DNAH5: variants seen among roughly 807,000 people sequenced by gnomAD.
The protein encoded by DNAH5 is dynein axonemal heavy chain 5, also known as axonemal beta dynein heavy chain 5.
In DNAH5, 372 loss-of-function variants were observed where a neutral mutation model predicts 518.2. The observed-to-expected ratio is 0.72, with a 90% CI of 0.66 to 0.78. The LOEUF is 0.78. Ranked by LOEUF, DNAH5 falls within the 30% of genes least tolerant of loss-of-function variation. The pLI, the probability that DNAH5 is intolerant of heterozygous loss-of-function variation, is 0.00. For synonymous variants in DNAH5, 2,039 were observed against 2,025.9 expected (o/e 1.01, Z -0.17); for missense variants, 5,523 against 5,687.0 (o/e 0.97, Z 0.93).
At position 13,758,926 on chromosome 5, in the gene DNAH5, C is replaced by T; in HGVS notation, c.10339G>A (p.Ala3447Thr). ...HLLAMQDLQKAQAELDDKQAE... is the reference protein window; with the variant it reads ...HLLAMQDLQKTQAELDDKQAE... ...TGCTTGTCATCCAACTCGGCCTGGG[C>T]TTTCTGCAGATCCTGCATGGCCAGG... The change falls in exon 61 of 79, where the codon GCC (alanine) becomes ACC (threonine). Residue 3447 changes from alanine (A) to threonine (T), a missense_variant. By Grantham distance (58) the Ala-to-Thr change is moderately conservative. Transcript: ENST00000265104. 2 of 1,614,186 alleles carry T rather than the reference C, an allele frequency of 1.2e-6. No individual in the cohort carries two copies. The highest frequency in any genetic ancestry group is 1.7e-6 in the Non-Finnish European group (2 of 1,180,020).
chr5:13,769,189 C>T (rs1440106750), intron 57 of DNAH5, 53 bp from the exon 58 acceptor site: 2 of 1,580,738 alleles, frequency 1.3e-6, no homozygotes, highest in African/African-American at 2.7e-5. Flanking sequence ...AAACATCCAG[C>T]TGAAAATGCA....
intron 1 of DNAH5, among the ~76,000 whole-genome samples, chr5:14,006,832 C>T (rs541608340): frequency 3.3e-5 from 5 of 152,288 alleles, no homozygotes; most frequent in Admixed American, 3.3e-4. Context: ...TTTATTCTTT[C>T]TTATTGATGA....
At chr5:13,700,429 C>A (rs1464945665) in intron 78 of DNAH5, among the ~76,000 whole-genome samples, 1 of 152,172 alleles carries the variant, frequency 6.6e-6, no homozygotes, top group African/African-American at 2.4e-5. Flanking sequence ...ATTAGATAAG[C>A]AAGTACTATC....
At chr5:13,949,048 T>C (rs1345043552), upstream of DNAH5, among the ~76,000 whole-genome samples, 1 of 151,912 alleles carries the variant, frequency 6.6e-6, no homozygotes, top group Non-Finnish European at 1.5e-5. Context: ...CAAATAACAA[T>C]GGAACTTGAC....
chr5:13,901,024 T>C (rs1476623049), intron 14 of DNAH5, among the ~76,000 whole-genome samples: 1 of 152,226 alleles, frequency 6.6e-6, no homozygotes, highest in Non-Finnish European at 1.5e-5. Context: ...ACTTTGGAGT[T>C]CGTAAATTAA....
At chr5:13,967,092 C>T (rs1781577131) in intron 1 of DNAH5, among the ~76,000 whole-genome samples, 1 of 152,136 alleles carries the variant, frequency 6.6e-6, no homozygotes, top group Non-Finnish European at 1.5e-5. Context: ...AAACTCCTCA[C>T]CTCAAGTGAT....
chr5:13,830,818 TG>T (rs776260697), intron 35 of DNAH5, 43 bp from the exon 36 acceptor site: 21 of 1,598,002 alleles, frequency 1.3e-5, no homozygotes, highest in Non-Finnish European at 1.5e-5. Context: ...CTCAGTCACC[TG>T]GAAATACTTC....
chr5:13,791,555 C>A (rs758025940), intron 50 of DNAH5, among the ~76,000 whole-genome samples: 3 of 152,080 alleles, frequency 2.0e-5, no homozygotes, highest in African/African-American at 4.8e-5. Flanking sequence ...TGATTATCAA[C>A]AAAATGGGTT....
chr5:13,892,185 A>G (rs1259045913), intron 16 of DNAH5, among the ~76,000 whole-genome samples: 1 of 152,224 alleles, frequency 6.6e-6, no homozygotes, highest in Non-Finnish European at 1.5e-5. Flanking sequence ...TTGAATACTA[A>G]AAGAGAGCCA....
chr5:13,829,190 A>G (rs1238593389), intron 38 of DNAH5, among the ~76,000 whole-genome samples: 1 of 152,216 alleles, frequency 6.6e-6, no homozygotes, highest in Non-Finnish European at 1.5e-5. Flanking sequence ...GTTCCTACAA[A>G]TCATGAAAAT....
intron 72 of DNAH5, among the ~76,000 whole-genome samples, 196 bp from the exon 73 acceptor site, chr5:13,717,716 A>G (rs1744497213): frequency 1.3e-5 from 2 of 152,160 alleles, no homozygotes; most frequent in South Asian, 4.1e-4. Context: ...AAATCTTCAA[A>G]GAGACTTTGG....
At chr5:13,978,411 A>G (rs901543117) in intron 1 of DNAH5, among the ~76,000 whole-genome samples, 1 of 152,236 alleles carries the variant, frequency 6.6e-6, no homozygotes, top group African/African-American at 2.4e-5. Flanking sequence ...AGAGGACTCC[A>G]TGGAAGAGAG....
chr5:13,864,457 T>G lies in DNAH5; in HGVS notation c.4536A>C (p.Glu1512Asp), dbSNP rs749933897. 2 of 1,614,058 alleles carry G rather than the reference T, an allele frequency of 1.2e-6. No homozygotes were observed. Among genetic ancestry groups the G allele is most frequent in the African/African-American group, 1.3e-5 (1 of 74,926 alleles). ...LTGHSLDVGN[E>D]SFKLRNIMEA... is the part of the protein sequence containing the mutation. ...CCATGATATTTCTTAACTTAAAGCT[T>G]TCATTCCCCACATCCAGACTGTGCC... Residue 1512 changes from glutamate (E) to aspartate (D), a missense_variant, in exon 28 of 79, where the codon GAA (glutamate) becomes GAC (aspartate). Around this residue, in one of 3 missense-constraint regions of DNAH5, gnomAD observed 5,121 missense variants for 5,223.3 expected, o/e 0.98. Coordinates refer to ENST00000265104, the MANE Select transcript of DNAH5 (RefSeq NM_001369.3).
intron 47 of DNAH5, among the ~76,000 whole-genome samples, chr5:13,799,397 G>T (rs1758387471): frequency 6.6e-6 from 1 of 151,890 alleles, no homozygotes; most frequent in Non-Finnish European, 1.5e-5. Flanking sequence ...GTACTAGGTG[G>T]GATAGTCAGA....
At chr5:13,925,135 T>C (rs1448825200) in intron 3 of DNAH5, among the ~76,000 whole-genome samples, 2 of 152,150 alleles carry the variant, frequency 1.3e-5, no homozygotes, top group Admixed American at 6.5e-5. Flanking sequence ...TAAAGGTAAC[T>C]AGAAGATCAA....
chr5:13,912,834 C>T (rs958042863), intron 11 of DNAH5, among the ~76,000 whole-genome samples: 3 of 151,768 alleles, frequency 2.0e-5, no homozygotes, highest in African/African-American at 7.2e-5. Flanking sequence ...TAATCGTGAC[C>T]TTTACATCAA....
chr5:13,862,059 T>C (rs1768526014), intron 29 of DNAH5, among the ~76,000 whole-genome samples: 1 of 151,724 alleles, frequency 6.6e-6, no homozygotes, highest in African/African-American at 2.4e-5. Flanking sequence ...TCCACAGATA[T>C]TGGTAAAAAA....
At chr5:13,968,401 G>A (rs1266049479) in intron 1 of DNAH5, among the ~76,000 whole-genome samples, 2 of 152,076 alleles carry the variant, frequency 1.3e-5, no homozygotes, top group African/African-American at 4.8e-5. Context: ...AGTTCTCAGG[G>A]GGGAATGCTT....
At chr5:13,847,407 C>G (rs1766154935) in intron 31 of DNAH5, among the ~76,000 whole-genome samples, 2 of 149,478 alleles carry the variant, frequency 1.3e-5, no homozygotes, top group Non-Finnish European at 2.9e-5. Context: ...AGAATATGTT[C>G]ATAGAAAAAA....
Sources: gnomAD v4.1 joint callset for allele counts (sites outside exome capture counted in the v4.1 genomes callset) on GRCh38, gnomAD v4.1.1 for gene constraint, gnomAD v4.1.1 regional missense constraint, MANE v1.5 for transcripts, NCBI Gene and HGNC (gene_info 2026-07-23, HGNC 2026-07-21) for gene names.